The following CAMTA1 variants were observed in gnomAD, a reference collection of about 807,000 sequenced individuals.
CAMTA1 encodes calmodulin-binding transcription activator 1.
Under a neutral mutation model 170.9 loss-of-function variants are expected in CAMTA1, and 27 were observed. The observed-to-expected ratio is 0.16, with a 90% CI of 0.12 to 0.22. The LOEUF (loss-of-function observed/expected upper bound fraction) is 0.22, where lower values mean the gene tolerates loss of function less well. CAMTA1 is among the 10% of genes least tolerant of loss of function. The pLI is 1.00. For synonymous variants in CAMTA1, 833 were observed against 891.5 expected, an observed-to-expected ratio of 0.93 and a Z score of 1.17; for missense variants, 1,619 against 2,217.2, an observed-to-expected ratio of 0.73 and a Z score of 5.42.
intron 5 of CAMTA1, among the ~76,000 whole-genome samples, chr1:7,272,360 A>T (rs551166690): frequency 6.6e-6 from 1 of 152,294 alleles, no homozygotes; most frequent in African/African-American, 2.4e-5. Flanking sequence ...TCTTTATCAA[A>T]CTATCATCTG....
At chr1:6,993,014 C>T (rs1356462249) in intron 3 of CAMTA1, among the ~76,000 whole-genome samples, 3 of 152,192 alleles carry the variant, frequency 2.0e-5, no homozygotes, top group African/African-American at 7.2e-5. Flanking sequence ...TGCTTTGGCA[C>T]CTTTGTCTAA....
chr1:6,823,561 ACT>A (rs1250310182), intron 2 of CAMTA1, among the ~76,000 whole-genome samples: 1 of 151,948 alleles, frequency 6.6e-6, no homozygotes, highest in Non-Finnish European at 1.5e-5. Flanking sequence ...GTATGCCAAA[ACT>A]CTCTTAAGTT....
At chr1:7,104,348 T>A (rs1643361271) in intron 4 of CAMTA1, among the ~76,000 whole-genome samples, 1 of 144,852 alleles carries the variant, frequency 6.9e-6, no homozygotes. Flanking sequence ...TGTACACACA[T>A]GCATAAATAC....
chr1:7,606,513 C>T (rs1460259326), intron 6 of CAMTA1, among the ~76,000 whole-genome samples: 1 of 152,172 alleles, frequency 6.6e-6, no homozygotes, highest in East Asian at 1.9e-4. Flanking sequence ...TTTTCTTGAA[C>T]AATTACCGCC....
rs1296534278 is a variant in CAMTA1 at position 7,014,685 on chromosome 1, C to G, written c.235-76619C>G. Among the ~76,000 whole-genome samples the G allele has an allele frequency of 6.6e-6, 1 of 152,154 alleles. No individual in the cohort carries two copies. The highest frequency in any genetic ancestry group is 1.5e-5 in the Non-Finnish European group (1 of 68,034). On this transcript the variant is annotated intron_variant, in intron 3 of 22. Coordinates refer to ENST00000303635, the MANE Select transcript of CAMTA1 (RefSeq NM_015215.4). The surrounding 1 kb of genome is among the most constrained non-coding windows in gnomAD (Gnocchi z 4.2). Reference sequence around the variant, plus strand: ...GCTTGGCTTGGTTTCAAAAAGGAAGCCTCTCCTCTCGGGTATCATGACCAG... The same window carrying G: ...GCTTGGCTTGGTTTCAAAAAGGAAGGCTCTCCTCTCGGGTATCATGACCAG...
At chr1:7,731,562 A>G (rs1023968474) in intron 11 of CAMTA1, among the ~76,000 whole-genome samples, 1 of 145,338 alleles carries the variant, frequency 6.9e-6, no homozygotes, top group Non-Finnish European at 1.5e-5. Flanking sequence ...ACACCATGAC[A>G]CTCTGTCTCA....
At chr1:7,145,300 A>G in intron 4 of CAMTA1, among the ~76,000 whole-genome samples, 1 of 152,188 alleles carries the variant, frequency 6.6e-6, no homozygotes, top group East Asian at 1.9e-4. Context: ...TGCATTAAAT[A>G]ATGGTTTTAG....
chr1:7,192,832 C>T (rs183324205), intron 4 of CAMTA1, among the ~76,000 whole-genome samples: 5 of 152,226 alleles, frequency 3.3e-5, no homozygotes, highest in East Asian at 3.9e-4. Context: ...GCAGCGTCAC[C>T]GGAAGGAAAA....
At chr1:7,284,853 T>G (rs1285428352) in intron 5 of CAMTA1, among the ~76,000 whole-genome samples, 1 of 152,200 alleles carries the variant, frequency 6.6e-6, no homozygotes, top group Non-Finnish European at 1.5e-5. Flanking sequence ...TTCTCCCTGG[T>G]GGGGCCACTT....
intron 3 of CAMTA1, among the ~76,000 whole-genome samples, chr1:6,859,783 T>A (rs1663931215): frequency 6.6e-6 from 1 of 152,046 alleles, no homozygotes; most frequent in East Asian, 1.9e-4. Flanking sequence ...AGTAAGTCCG[T>A]GTCTCAAAAA....
At chr1:7,446,225 A>C (rs1373875913) in intron 5 of CAMTA1, among the ~76,000 whole-genome samples, 1 of 151,686 alleles carries the variant, frequency 6.6e-6, no homozygotes, top group Non-Finnish European at 1.5e-5. Flanking sequence ...ACCTAGAGGA[A>C]GTGAAAATGT....
At chr1:7,278,427 T>C (rs1482296850) in intron 5 of CAMTA1, among the ~76,000 whole-genome samples, 2 of 152,236 alleles carry the variant, frequency 1.3e-5, no homozygotes, top group Non-Finnish European at 2.9e-5. Flanking sequence ...CAACTTGCCA[T>C]TCTGCCATTT....
chr1:7,663,920 C>T lies in CAMTA1; in HGVS notation c.1373C>T (p.Thr458Ile). The part of the protein sequence containing the change: ...GSSESLSMLP[T>I]NVSEELVLST... ...TCGGAGAGCCTGTCCATGCTGCCCA[C>T]CAACGTGTCCGAAGAGCTGGTCCTC... The change falls in exon 9 of 23, where the codon ACC becomes ATC. Residue 458 changes from threonine to isoleucine, a missense_variant. This residue lies in a region of CAMTA1 where 731 missense variants were observed against 907.6 expected (regional missense o/e 0.81). Transcript: ENST00000303635. The T allele has an allele frequency of 6.2e-7, 1 of 1,613,936 alleles. No individual in the cohort carries two copies. Among genetic ancestry groups the T allele is most frequent in the Non-Finnish European group, 8.5e-7 (1 of 1,180,040 alleles).
At chr1:7,427,426 C>T (rs1018790488) in intron 5 of CAMTA1, among the ~76,000 whole-genome samples, 3 of 152,154 alleles carry the variant, frequency 2.0e-5, no homozygotes, top group African/African-American at 4.8e-5. Context: ...TCAGACACCA[C>T]TGATTGTCAC....
At chr1:6,902,084 T>TAAAAATAA (rs1677198390) in intron 3 of CAMTA1, among the ~76,000 whole-genome samples, 3 of 105,058 alleles carry the variant, frequency 2.9e-5, no homozygotes, top group Admixed American at 9.0e-5. Flanking sequence ...AAAAAAAAAA[T>TAAAAATAA]AAAAATAAAA....
intron 3 of CAMTA1, among the ~76,000 whole-genome samples, chr1:7,089,548 C>T (rs1641203972): frequency 9.5e-6 from 1 of 105,620 alleles, no homozygotes; most frequent in African/African-American, 3.7e-5. Flanking sequence ...CCCATCCCAT[C>T]CCATCCCATC....
At chr1:6,964,704 G>A (rs776526780) in intron 3 of CAMTA1, among the ~76,000 whole-genome samples, 10 of 152,202 alleles carry the variant, frequency 6.6e-5, no homozygotes, top group Non-Finnish European at 1.5e-4. Flanking sequence ...CCCCGCAGAC[G>A]CTGTTTTGCT....
intron 3 of CAMTA1, among the ~76,000 whole-genome samples, chr1:6,926,436 T>C (rs1378375850): frequency 3.7e-5 from 4 of 109,216 alleles, no homozygotes; most frequent in East Asian, 2.9e-4. Context: ...TTTCTTTCTT[T>C]TCTCTTTCTT....
At position 7,216,402 on chromosome 1, in the gene CAMTA1, T is replaced by C. The variant is rs1372265588; in HGVS notation, c.303-33089T>C. The stretch of plus-strand genomic sequence containing the variant: ...TGTTTAGGGCTTCTGTGTCCTTACT[T>C]ATTTTTTGTCTATCTGGTTTCTCTT... On this transcript the variant is annotated intron_variant, in intron 4 of 22. Coordinates refer to ENST00000303635, the MANE Select transcript of CAMTA1 (RefSeq NM_015215.4). This position sits in a 1 kb window ranked among gnomAD's most constrained non-coding sequence, Gnocchi z 4.0. 6.6e-6 allele frequency among the ~76,000 whole-genome samples: 1 copy of C among 152,244 alleles called. No individual in the cohort carries two copies. The highest frequency in any genetic ancestry group is 1.5e-5 in the Non-Finnish European group (1 of 68,042).
Sources: gnomAD v4.1 joint callset for allele counts (sites outside exome capture counted in the v4.1 genomes callset) on GRCh38, gnomAD v4.1.1 for gene constraint, gnomAD v4.1.1 regional missense constraint, Gnocchi (gnomAD v3.1) non-coding constraint, MANE v1.5 for transcripts, NCBI Gene and HGNC (gene_info 2026-07-23, HGNC 2026-07-21) for gene names.